TTC7A: variants seen among roughly 807,000 people sequenced by gnomAD.
The protein encoded by TTC7A is tetratricopeptide repeat domain 7A.
TTC7A carries 110 observed loss-of-function variants against 103.7 expected under a neutral mutation model. That is an observed-to-expected ratio of 1.06 (90% confidence interval 0.91 to 1.24). The LOEUF (loss-of-function observed/expected upper bound fraction) is 1.24, where lower values mean the gene tolerates loss of function less well. Ranked by LOEUF, TTC7A falls within the 50% of genes most tolerant of loss-of-function variation. The probability of loss-of-function intolerance (pLI) is 0.00; values close to 1 mark genes in which losing one functional copy is unlikely to be tolerated. For synonymous variants in TTC7A, 521 were observed against 467.9 expected (o/e 1.11, Z -1.47); for missense variants, 1,340 against 1,116.3 (o/e 1.20, Z -2.86).
chr2:47,024,577 G>A lies in TTC7A; in HGVS notation c.1641+218G>A, dbSNP rs72872960. On this transcript the variant is annotated intron_variant, in intron 14 of 19. Coordinates refer to ENST00000319190, the MANE Select transcript of TTC7A (RefSeq NM_020458.4). ...GCCGTGGTGGGTACACAGGAAGGGC[G>A]TGTTCTCCGCCCTCACTCCCCCTAC... Among the ~76,000 whole-genome samples the A allele has an allele frequency of 2.5e-3, 377 of 152,230 alleles. 3 individuals carry two copies. The highest frequency in any genetic ancestry group is 8.1e-3 in the African/African-American group (335 of 41,528).
At chr2:47,058,445 C>A (rs926199521) in intron 18 of TTC7A, among the ~76,000 whole-genome samples, 7 of 152,242 alleles carry the variant, frequency 4.6e-5, no homozygotes, top group African/African-American at 1.4e-4. Context: ...CTCCTGCTGC[C>A]TACTGGGACA....
chr2:47,060,874 G>A lies in TTC7A; in HGVS notation c.2258G>A (p.Arg753Gln), dbSNP rs201842124. ...CACTCAGTACTCTATATGCGGGGCC[G>A]GCTGGCTGAGGTGAAGGGCAACCTG... ...TSHSVLYMRG[R>Q]LAEVKGNLEE... The change falls in exon 19 of 20, where the codon CGG becomes CAG. Residue 753 changes from arginine to glutamine, a missense_variant. Physicochemically the swap from Arg to Gln is conservative, Grantham distance 43 (BLOSUM62 1). Transcript: ENST00000319190. 3.3e-4 allele frequency: 535 copies of A among 1,614,158 alleles called. 4 individuals carry two copies. In the South Asian group the frequency reaches 3.5e-3, roughly 11 times the overall value.
At position 47,006,040 on chromosome 2, in the gene TTC7A, A is replaced by G; in HGVS notation, c.1184A>G (p.Gln395Arg). 1.9e-6 allele frequency: 3 copies of G among 1,613,790 alleles called. No individual in the cohort carries two copies. The highest frequency in any genetic ancestry group is 2.5e-6 in the Non-Finnish European group (3 of 1,179,972). Residue 395 changes from glutamine to arginine, a missense_variant, in exon 9 of 20, where the codon CAG becomes CGG. By Grantham distance (43) the Gln-to-Arg change is conservative. Transcript: ENST00000319190. ...AGCATCACGTTGGGCAGAAGGGGAC[A>G]GTACGTCATGCTCTCGGAGGTACGG... Reference protein sequence around the residue: ...LLSITLGRRGQYVMLSECLER... With the variant: ...LLSITLGRRGRYVMLSECLER...
intron 10 of TTC7A, among the ~76,000 whole-genome samples, chr2:47,008,108 T>A (rs1307113369): frequency 6.6e-6 from 1 of 152,134 alleles, no homozygotes; most frequent in Non-Finnish European, 1.5e-5. Flanking sequence ...GGATCTTCCA[T>A]GGAGCCTGGG....
At chr2:47,020,858 C>A (rs1487693366) in intron 11 of TTC7A, among the ~76,000 whole-genome samples, 1 of 152,220 alleles carries the variant, frequency 6.6e-6, no homozygotes, top group Non-Finnish European at 1.5e-5. Flanking sequence ...GCGGGATGGG[C>A]CTGAGCAGGG....
intron 4 of TTC7A, chr2:46,978,352 A>G (rs1674080047): frequency 6.5e-6 from 1 of 155,014 alleles, no homozygotes; most frequent in South Asian, 2.0e-4. Context: ...CCGGTGAAAT[A>G]GAAATGATGA....
intron 8 of TTC7A, among the ~76,000 whole-genome samples, 176 bp from the exon 9 acceptor site, chr2:47,005,746 G>A (rs771413278): frequency 3.3e-5 from 5 of 152,174 alleles, no homozygotes; most frequent in Admixed American, 6.5e-5. Flanking sequence ...TTCTCTCTTG[G>A]AGAGGGCCTT....
chr2:47,039,548 T>G (rs1432300012), intron 15 of TTC7A, among the ~76,000 whole-genome samples: 1 of 152,192 alleles, frequency 6.6e-6, no homozygotes, highest in African/African-American at 2.4e-5. Flanking sequence ...ATCTACAAGA[T>G]AACTATTTTT....
intron 4 of TTC7A, among the ~76,000 whole-genome samples, 199 bp downstream of exon 4, chr2:46,975,302 T>C (rs1673768961): frequency 6.6e-6 from 1 of 152,168 alleles, no homozygotes; most frequent in Non-Finnish European, 1.5e-5. Context: ...TACTGGAAAA[T>C]AGTTTGATAA....
chr2:47,060,646 G>T (rs1283730397), intron 18 of TTC7A, 123 bp from the exon 19 acceptor site: 26 of 854,306 alleles, frequency 3.0e-5, no homozygotes, highest in Non-Finnish European at 4.8e-5. Context: ...CCCATGCTGT[G>T]ATTTGGTGGG....
intron 1 of TTC7A, 91 bp from the exon 2 acceptor site, chr2:46,950,272 T>C (rs1671288416): frequency 1.5e-6 from 2 of 1,346,138 alleles, no homozygotes; most frequent in African/African-American, 1.5e-5. Flanking sequence ...GTACTGGGTA[T>C]GGGTGGTTGG....
intron 15 of TTC7A, among the ~76,000 whole-genome samples, chr2:47,031,816 G>A (rs1233280704): frequency 6.6e-6 from 1 of 152,258 alleles, no homozygotes; most frequent in Non-Finnish European, 1.5e-5. Context: ...CTGTGGGGAG[G>A]CTAACTCCCT....
At chr2:46,939,792 A>G (rs1373631594), upstream of TTC7A, among the ~76,000 whole-genome samples, 2 of 152,174 alleles carry the variant, frequency 1.3e-5, no homozygotes, top group Admixed American at 6.5e-5. Context: ...GTGACCATCA[A>G]AGGCAGCCAA....
rs530774253 is a variant in TTC7A, at chr2:47,075,851, C to G, written c.*1928C>G. On this transcript the variant is annotated 3_prime_UTR_variant, in exon 20 of 20. Transcript: ENST00000319190. ...GGCTGATCCTGGCCTCTGACCTGTC[C>G]AGGGCGACCCCTGAAGCCCCTGCTG... 5 of 152,494 alleles carry G rather than the reference C, an allele frequency of 3.3e-5. No homozygotes were observed. In the East Asian group the frequency reaches 9.7e-4, roughly 29 times the overall value. 9.4% of individuals were successfully genotyped at this position (152,494 alleles called of 1,614,324 possible).
intron 18 of TTC7A, among the ~76,000 whole-genome samples, chr2:47,057,315 G>A (rs1402026343): frequency 6.6e-6 from 1 of 152,184 alleles, no homozygotes; most frequent in Admixed American, 6.5e-5. Flanking sequence ...CTGGTTTCCT[G>A]TCTAACTGGG....
intron 5 of TTC7A, among the ~76,000 whole-genome samples, chr2:46,981,398 T>A (rs561415676): frequency 5.9e-5 from 9 of 152,104 alleles, no homozygotes; most frequent in Admixed American, 1.3e-4. Context: ...CTCAGAGCTA[T>A]GTGGGGCTGG....
At chr2:46,994,305 TG>T (rs1553382910) in intron 6 of TTC7A, 51 bp from the exon 7 acceptor site, 10 of 1,572,308 alleles carry the variant, frequency 6.4e-6, no homozygotes, top group Non-Finnish European at 8.6e-6. Flanking sequence ...TAGGTCATGC[TG>T]GGGTAGAGCT....
Position 46,995,133 on chromosome 2 carries a change from C to T in TTC7A, c.1002-3C>T. 2 of 1,614,166 alleles carry T rather than the reference C, an allele frequency of 1.2e-6. No homozygotes were observed. The highest frequency in any genetic ancestry group is 1.1e-5 in the South Asian group (1 of 91,076). On this transcript the variant is annotated splice_region_variant and splice_polypyrimidine_tract_variant and intron_variant, in intron 7 of 19. Coordinates refer to ENST00000319190, the MANE Select transcript of TTC7A (RefSeq NM_020458.4). ...AGCCAGGCCTGTCATTGGTGTCTTT[C>T]AGCCTCTACTGCCCCAAGGACAACA...
intron 2 of TTC7A, among the ~76,000 whole-genome samples, chr2:46,930,374 G>A (rs1669627444): frequency 6.8e-6 from 1 of 147,962 alleles, no homozygotes; most frequent in Admixed American, 6.8e-5. Context: ...TAAAAGATAA[G>A]CAGATTTTAT....
Sources: allele counts gnomAD v4.1 joint callset (sites outside exome capture counted in the v4.1 genomes callset), GRCh38; gene constraint gnomAD v4.1.1; transcripts MANE v1.5; gene names NCBI Gene and HGNC (gene_info 2026-07-23, HGNC 2026-07-21).